The following MBD5 variants were observed in gnomAD, a reference collection of about 807,000 sequenced individuals.
The protein encoded by MBD5 is methyl-CpG-binding domain protein 5.
Under a neutral mutation model 117.3 loss-of-function variants are expected in MBD5, and 13 were observed. The observed-to-expected ratio is 0.11, with a 90% confidence interval of 0.07 to 0.18. MBD5 has a LOEUF of 0.18. Among genes scored for constraint, MBD5 ranks in the 10% least tolerant of loss-of-function variants. The probability of loss-of-function intolerance (pLI) is 1.00; values close to 1 mark genes in which losing one functional copy is unlikely to be tolerated. For missense variants in MBD5, 1,879 were observed against 2,093.8 expected, an observed-to-expected ratio of 0.90 and a Z score of 2.00; for synonymous variants, 727 against 766.4, an observed-to-expected ratio of 0.95 and a Z score of 0.85.
chr2:148,462,129 C>T lies in MBD5; in HGVS notation c.114-453C>T, dbSNP rs532714270. The stretch of plus-strand genomic sequence containing the variant: ...ATAAACAGGGACTTGCTCACTCCAA[C>T]TTTTGTGGACTTGCCAACTTTCTGG... On this transcript the variant is annotated intron_variant, in intron 5 of 13. Transcript: ENST00000642680. Among the ~76,000 whole-genome samples the T allele has an allele frequency of 4.6e-5, 7 of 152,292 alleles. No homozygotes were observed. In the South Asian group the frequency reaches 1.4e-3, roughly 32 times the overall value.
intron 1 of MBD5, among the ~76,000 whole-genome samples, chr2:148,177,128 C>T (rs1268701499): frequency 6.6e-6 from 1 of 152,092 alleles, no homozygotes. Context: ...TTCAAAGTTC[C>T]TTCCTAAGCT....
chr2:148,451,455 T>C (rs1706725911), intron 4 of MBD5, among the ~76,000 whole-genome samples: 2 of 152,002 alleles, frequency 1.3e-5, no homozygotes, highest in South Asian at 4.1e-4. Flanking sequence ...GAATGAGGGA[T>C]TGACTAGGTA....
At chr2:148,141,138 A>G (rs1401631058) in intron 1 of MBD5, among the ~76,000 whole-genome samples, 1 of 152,162 alleles carries the variant, frequency 6.6e-6, no homozygotes, top group East Asian at 1.9e-4. Flanking sequence ...AATTTTCACA[A>G]TGTCAGACTA....
chr2:148,267,366 C>T (rs184874318), intron 3 of MBD5, among the ~76,000 whole-genome samples: 31 of 152,240 alleles, frequency 2.0e-4, no homozygotes, highest in African/African-American at 6.7e-4. Flanking sequence ...AATTTAGCAT[C>T]AGCCCAAATA....
intron 3 of MBD5, among the ~76,000 whole-genome samples, chr2:148,323,453 G>A (rs1314996520): frequency 6.6e-6 from 1 of 151,900 alleles, no homozygotes. Flanking sequence ...CTAGTTTACA[G>A]TCCCACCAAC....
chr2:148,241,320 A>G (rs1357912419), intron 3 of MBD5, among the ~76,000 whole-genome samples: 2 of 152,174 alleles, frequency 1.3e-5, no homozygotes, highest in Non-Finnish European at 2.9e-5. Context: ...CTTCCTTAGT[A>G]TAGGGATATA....
intron 1 of MBD5, among the ~76,000 whole-genome samples, chr2:148,066,237 C>T (rs1024299704): frequency 2.6e-5 from 4 of 151,962 alleles, no homozygotes; most frequent in African/African-American, 4.8e-5. Flanking sequence ...GCCCAGGAGG[C>T]GGAGGTTGTA....
intron 3 of MBD5, among the ~76,000 whole-genome samples, chr2:148,292,235 AG>A (rs2106432224): frequency 6.6e-6 from 1 of 152,328 alleles, no homozygotes; most frequent in East Asian, 1.9e-4. Flanking sequence ...TAAGTTAAAA[AG>A]CCTCTGCACA....
intron 1 of MBD5, among the ~76,000 whole-genome samples, chr2:148,106,938 C>T (rs1378903133): frequency 6.6e-6 from 1 of 151,892 alleles, no homozygotes; most frequent in East Asian, 1.9e-4. Flanking sequence ...ACATATTTAT[C>T]ATATTTTTTC....
Position 148,186,783 on chromosome 2 carries a change from A to T in MBD5, c.-831+7990A>T, listed in dbSNP as rs1041439589. On this transcript the variant is annotated intron_variant, in intron 2 of 13. Coordinates refer to ENST00000642680, the MANE Select transcript of MBD5 (RefSeq NM_001378120.1). ...CTAGCCAAGAATTATAAGACATGAAAAAGTAGGAAAATTAACCCCAAACCA... is the reference window on the plus strand; with the variant it reads ...CTAGCCAAGAATTATAAGACATGAATAAGTAGGAAAATTAACCCCAAACCA... 2.6e-5 allele frequency among the ~76,000 whole-genome samples: 4 copies of T among 152,330 alleles called. No homozygotes were observed. The East Asian group carries it at 7.7e-4, about 29-fold the overall frequency.
At chr2:148,186,398 A>G (rs1185233821) in intron 2 of MBD5, among the ~76,000 whole-genome samples, 1 of 152,232 alleles carries the variant, frequency 6.6e-6, no homozygotes, top group Admixed American at 6.5e-5. Context: ...GCAGCATGAA[A>G]ACAGACAAAT....
At chr2:148,176,055 G>A (rs778255946) in intron 1 of MBD5, among the ~76,000 whole-genome samples, 3 of 152,084 alleles carry the variant, frequency 2.0e-5, no homozygotes, top group Non-Finnish European at 4.4e-5. Context: ...GATTTACAGA[G>A]CTATTGGTTC....
At chr2:148,286,502 T>C (rs1329027746) in intron 3 of MBD5, among the ~76,000 whole-genome samples, 1 of 152,214 alleles carries the variant, frequency 6.6e-6, no homozygotes. Context: ...TTTCTCACCC[T>C]ACTCCCAACA....
intron 3 of MBD5, among the ~76,000 whole-genome samples, chr2:148,326,650 G>A (rs1702460504): frequency 6.6e-6 from 1 of 151,756 alleles, no homozygotes; most frequent in Non-Finnish European, 1.5e-5. Context: ...CAGAGACTAG[G>A]ATTGCAACCC....
chr2:148,483,427 G>A lies in MBD5; in HGVS notation c.2836G>A (p.Ala946Thr), dbSNP rs1215215178. 3 of 1,613,842 alleles carry A rather than the reference G, an allele frequency of 1.9e-6. No homozygotes were observed. The highest frequency in any genetic ancestry group is 4.5e-5 in the East Asian group (2 of 44,892). Residue 946 changes from alanine (A) to threonine (T), a missense_variant, in exon 9 of 14, where the codon GCA becomes ACA. Ala to Thr is a moderately conservative substitution (Grantham distance 58). This residue lies in a region of MBD5 where 1,666 missense variants were observed against 1,792.2 expected (regional missense o/e 0.93). Transcript: ENST00000642680. ...QNLLNILQPS[A>T]GEGKSEINLH... ...TCTATTAAATATCCTCCAGCCTTCA[G>A]CAGGAGAAGGCAAGTCTGAGATCAA...
chr2:148,136,990 G>A (rs1197077838), intron 1 of MBD5, among the ~76,000 whole-genome samples: 3 of 152,100 alleles, frequency 2.0e-5, no homozygotes, highest in Non-Finnish European at 2.9e-5. Flanking sequence ...TCAAACTTCC[G>A]AACTCAGGTG....
intron 3 of MBD5, among the ~76,000 whole-genome samples, chr2:148,268,044 G>A (rs1700900835): frequency 6.7e-6 from 1 of 149,618 alleles, no homozygotes; most frequent in Non-Finnish European, 1.5e-5. Context: ...CTGCCTTCCA[G>A]GCTCAATCAA....
intron 4 of MBD5, among the ~76,000 whole-genome samples, chr2:148,379,741 C>A (rs894765383): frequency 6.6e-6 from 1 of 151,456 alleles, no homozygotes; most frequent in Non-Finnish European, 1.5e-5. Context: ...TGCATGAAAG[C>A]CAGGGGAGGG....
intron 3 of MBD5, among the ~76,000 whole-genome samples, chr2:148,329,864 A>G (rs990960503): frequency 1.3e-5 from 2 of 152,134 alleles, no homozygotes; most frequent in African/African-American, 2.4e-5. Context: ...TTGTGTAGAC[A>G]TTAGGCTTGT....
Sources: gnomAD v4.1 joint callset for allele counts (sites outside exome capture counted in the v4.1 genomes callset) on GRCh38, gnomAD v4.1.1 for gene constraint, gnomAD v4.1.1 regional missense constraint, MANE v1.5 for transcripts, NCBI Gene and HGNC (gene_info 2026-07-23, HGNC 2026-07-21) for gene names.